FRMD6: variants seen among roughly 807,000 people sequenced by gnomAD.
The protein encoded by FRMD6 is FERM domain containing 6, also known as FERM domain-containing protein 6.
In FRMD6, 37 loss-of-function variants were observed where a neutral mutation model predicts 73.2. The observed-to-expected ratio is 0.51, with a 90% CI of 0.39 to 0.66. FRMD6 has a LOEUF of 0.66. Among genes scored for constraint, FRMD6 ranks in the 30% least tolerant of loss-of-function variants. FRMD6 has a pLI of 0.00. For synonymous variants in FRMD6, 273 were observed against 282.2 expected (o/e 0.97, Z 0.33); for missense variants, 714 against 780.5 (o/e 0.91, Z 1.02).
intron 1 of FRMD6, among the ~76,000 whole-genome samples, chr14:51,496,251 A>G (rs989490716): frequency 6.6e-6 from 1 of 152,238 alleles, no homozygotes; most frequent in Non-Finnish European, 1.5e-5. Flanking sequence ...CATCTGCTCA[A>G]CTAGCTCCTT....
intron 2 of FRMD6, among the ~76,000 whole-genome samples, chr14:51,592,918 G>A (rs1265422520): frequency 1.3e-5 from 2 of 152,170 alleles, no homozygotes; most frequent in Non-Finnish European, 2.9e-5. Context: ...TGCAATGAAA[G>A]ACAAAACCTG....
At chr14:51,472,229 T>C in the FRMD6 span, among the ~76,000 whole-genome samples, 141 of 152,290 alleles carry the variant, frequency 9.3e-4, no homozygotes, top group African/African-American at 3.3e-3. Flanking sequence ...GACTCATCAC[T>C]GTGAAATTTC....
chr14:51,442,043 A>G, the FRMD6 span, among the ~76,000 whole-genome samples: 4 of 152,184 alleles, frequency 2.6e-5, no homozygotes, highest in African/African-American at 9.7e-5. Context: ...ACTTCGTACC[A>G]TCAGACAGCC....
chr14:51,688,207 A>T (rs552034824), intron 1 of FRMD6, among the ~76,000 whole-genome samples: 1 of 152,220 alleles, frequency 6.6e-6, no homozygotes, highest in South Asian at 2.1e-4. Context: ...TGAGAACGAT[A>T]GCACAGGCCT....
At chr14:51,643,039 CCAGAAG>C (rs1487739384) in intron 2 of FRMD6, among the ~76,000 whole-genome samples, 2 of 152,034 alleles carry the variant, frequency 1.3e-5, no homozygotes, top group Admixed American at 6.6e-5. Context: ...CAAGTCTGTA[CCAGAAG>C]CAAGGCAGTT....
At chr14:51,517,538 C>T (rs1218073619) in intron 1 of FRMD6, among the ~76,000 whole-genome samples, 2 of 152,090 alleles carry the variant, frequency 1.3e-5, no homozygotes, top group African/African-American at 4.8e-5. Context: ...TCAGTCATAA[C>T]TCTCCACTGT....
At chr14:51,718,952 GA>G (rs946043350) in intron 10 of FRMD6, among the ~76,000 whole-genome samples, 5 of 152,096 alleles carry the variant, frequency 3.3e-5, no homozygotes, top group Non-Finnish European at 7.3e-5. Context: ...ACTTAACCAA[GA>G]AACAAGACAA....
At chr14:51,527,277 A>G (rs1049721366) in intron 1 of FRMD6, among the ~76,000 whole-genome samples, 2 of 152,254 alleles carry the variant, frequency 1.3e-5, no homozygotes, top group Admixed American at 1.3e-4. Context: ...AACATCTTTC[A>G]TCTGAGGCCA....
At chr14:51,458,085 T>C in the FRMD6 span, among the ~76,000 whole-genome samples, 1 of 152,230 alleles carries the variant, frequency 6.6e-6, no homozygotes, top group East Asian at 1.9e-4. Context: ...GCATTCCATG[T>C]GAATAACTTG....
intron 6 of FRMD6, among the ~76,000 whole-genome samples, chr14:51,707,618 CCTT>C (rs1445536725): frequency 2.6e-5 from 4 of 152,134 alleles, no homozygotes; most frequent in African/African-American, 9.7e-5. Flanking sequence ...CAGTACCCTG[CCTT>C]CTTTTGATTA....
chr14:51,629,912 C>A lies in FRMD6; in HGVS notation c.-147+59502C>A, dbSNP rs544569817. 2.0e-5 allele frequency among the ~76,000 whole-genome samples: 3 copies of A among 152,290 alleles called. No homozygotes were observed. The South Asian group carries it at 6.2e-4, about 32-fold the overall frequency. ...CAAGGAGTCAATTCTGATTATTCTT[C>A]TCCCAGAGGCTACTGGTTGTTAAGC... On this transcript the variant is annotated intron_variant, in intron 2 of 14. Transcript: ENST00000356218.
intron 2 of FRMD6, among the ~76,000 whole-genome samples, chr14:51,645,986 C>A (rs1310969119): frequency 6.6e-6 from 1 of 152,030 alleles, no homozygotes; most frequent in Admixed American, 6.6e-5. Context: ...TCCCACTGTT[C>A]CAGTTCAGTA....
intron 11 of FRMD6, among the ~76,000 whole-genome samples, chr14:51,720,926 C>G (rs2140631769): frequency 6.6e-6 from 1 of 152,316 alleles, no homozygotes; most frequent in Admixed American, 6.5e-5. Context: ...AAGATGAATC[C>G]TATGGCTTAT....
At chr14:51,697,046 C>A (rs1295277416) in intron 2 of FRMD6, among the ~76,000 whole-genome samples, 4 of 152,070 alleles carry the variant, frequency 2.6e-5, no homozygotes, top group Admixed American at 6.6e-5. Flanking sequence ...GAAAAGGGAA[C>A]CCTTGTACAC....
At chr14:51,662,622 C>G (rs1248678134) in intron 1 of FRMD6, among the ~76,000 whole-genome samples, 3 of 152,164 alleles carry the variant, frequency 2.0e-5, no homozygotes, top group Non-Finnish European at 2.9e-5. Context: ...TGGACTGCCT[C>G]CTTATACCAT....
intron 1 of FRMD6, among the ~76,000 whole-genome samples, chr14:51,541,473 A>T (rs1886197920): frequency 6.6e-6 from 1 of 152,100 alleles, no homozygotes; most frequent in Admixed American, 6.6e-5. Context: ...TGAAATAAAA[A>T]CAGTATAAAT....
chr14:51,634,933 A>ACTGAC (rs1433864168), intron 2 of FRMD6, among the ~76,000 whole-genome samples: 12 of 152,190 alleles, frequency 7.9e-5, no homozygotes, highest in Non-Finnish European at 1.6e-4. Context: ...ACCAGAGGCT[A>ACTGAC]CTGACCGGTG....
At chr14:51,409,142 CT>C in the FRMD6 span, among the ~76,000 whole-genome samples, 3 of 152,038 alleles carry the variant, frequency 2.0e-5, no homozygotes, top group African/African-American at 7.2e-5. Flanking sequence ...GAGCATGAAC[CT>C]CTTGTAAGCA....
At chr14:51,422,432 A>G in the FRMD6 span, among the ~76,000 whole-genome samples, 2 of 152,256 alleles carry the variant, frequency 1.3e-5, no homozygotes, top group Non-Finnish European at 2.9e-5. Context: ...TTAATAAACA[A>G]GTACATGACT....
Sources: gnomAD v4.1 joint callset for allele counts (sites outside exome capture counted in the v4.1 genomes callset) on GRCh38, gnomAD v4.1.1 for gene constraint, MANE v1.5 for transcripts, NCBI Gene and HGNC (gene_info 2026-07-23, HGNC 2026-07-21) for gene names.